Variants in RBFOX1 observed in about 807,000 individuals in gnomAD.
The protein encoded by RBFOX1 is RNA binding fox-1 homolog 1.
In RBFOX1, 8 loss-of-function variants were observed where a neutral mutation model predicts 57.7. That is an observed-to-expected ratio of 0.14 (90% confidence interval 0.08 to 0.25). RBFOX1 has a LOEUF of 0.25. RBFOX1 is among the 10% of genes least tolerant of loss of function. The probability of loss-of-function intolerance (pLI) is 1.00; values close to 1 mark genes in which losing one functional copy is unlikely to be tolerated. For synonymous variants in RBFOX1, 326 were observed against 222.4 expected, an observed-to-expected ratio of 1.47 and a Z score of -4.15; for missense variants, 611 against 548.5, an observed-to-expected ratio of 1.11 and a Z score of -1.14.
chr16:6,420,351 T>C (rs1035250777), intron 2 of RBFOX1, among the ~76,000 whole-genome samples: 2 of 151,986 alleles, frequency 1.3e-5, no homozygotes, highest in Admixed American at 6.6e-5. Flanking sequence ...AGATTTTTTT[T>C]CCCTACCTCT....
intron 1 of RBFOX1, among the ~76,000 whole-genome samples, chr16:5,330,375 G>A (rs1340871875): frequency 2.0e-5 from 3 of 152,062 alleles, no homozygotes; most frequent in Admixed American, 2.0e-4. Context: ...TGCTTTTTAA[G>A]ATGACTTTAA....
intron 1 of RBFOX1, among the ~76,000 whole-genome samples, chr16:5,395,361 G>T (rs1278720526): frequency 2.0e-5 from 3 of 152,198 alleles, no homozygotes; most frequent in African/African-American, 7.2e-5. Flanking sequence ...TTTTGCCTCT[G>T]TTGTAGGTGA....
chr16:6,068,854 A>G (rs1207785305), intron 1 of RBFOX1, among the ~76,000 whole-genome samples: 1 of 151,810 alleles, frequency 6.6e-6, no homozygotes, highest in African/African-American at 2.4e-5. Context: ...ACAGGAATAA[A>G]CTCCCTTGTC....
intron 4 of RBFOX1, among the ~76,000 whole-genome samples, chr16:7,316,873 G>A (rs1430563040): frequency 1.3e-5 from 2 of 151,626 alleles, no homozygotes; most frequent in African/African-American, 2.4e-5. Flanking sequence ...TGAGAGAGGG[G>A]TAAAGAGACA....
intron 4 of RBFOX1, among the ~76,000 whole-genome samples, chr16:5,914,557 C>G (rs1484318393): frequency 1.3e-5 from 2 of 152,054 alleles, no homozygotes; most frequent in African/African-American, 2.4e-5. Context: ...CTTGAGTGCC[C>G]TTACAACATG....
At chr16:7,698,869 C>A (rs1598391872) in intron 14 of RBFOX1, among the ~76,000 whole-genome samples, 1 of 152,104 alleles carries the variant, frequency 6.6e-6, no homozygotes, top group African/African-American at 2.4e-5. Context: ...AATAACAATA[C>A]CCTATAAAGT....
intron 4 of RBFOX1, among the ~76,000 whole-genome samples, chr16:5,972,366 C>T (rs944784390): frequency 3.3e-5 from 5 of 152,178 alleles, no homozygotes; most frequent in Non-Finnish European, 7.3e-5. Flanking sequence ...TGTCACTGAC[C>T]ATCAATAGTG....
chr16:6,512,681 C>T (rs931041216), intron 2 of RBFOX1, among the ~76,000 whole-genome samples: 1 of 152,186 alleles, frequency 6.6e-6, no homozygotes, highest in Non-Finnish European at 1.5e-5. Context: ...TCAGTCCCCA[C>T]ATGCTATGAG....
At chr16:7,332,926 G>A in intron 4 of RBFOX1, 1 of 1,604,218 alleles carries the variant, frequency 6.2e-7, no homozygotes. Flanking sequence ...TTCGGAAGAA[G>A]TTGGGTCTAT....
chr16:6,481,226 C>T (rs2095366755), intron 2 of RBFOX1, among the ~76,000 whole-genome samples: 1 of 152,180 alleles, frequency 6.6e-6, no homozygotes, highest in South Asian at 2.1e-4. Context: ...AAGAAAACAA[C>T]CTTCTCTCTG....
chr16:6,584,616 G>T (rs950995463), intron 2 of RBFOX1, among the ~76,000 whole-genome samples: 3 of 151,882 alleles, frequency 2.0e-5, no homozygotes, highest in African/African-American at 7.3e-5. Flanking sequence ...TGATCCACCT[G>T]CCTTGGCCTC....
rs142732524 is a variant in RBFOX1 at position 7,084,644 on chromosome 16, T to C, written c.27+32546T>C. ...GGTGATACATTTCTTCAAATTGAGC[T>C]TCAAAGACCAGAGGCTGATTGGTCT... On this transcript the variant is annotated intron_variant, in intron 4 of 15. Coordinates refer to ENST00000550418, the MANE Select transcript of RBFOX1 (RefSeq NM_018723.4). Among the ~76,000 whole-genome samples the C allele has an allele frequency of 4.6e-5, 7 of 152,294 alleles. No individual in the cohort carries two copies. In the East Asian group the frequency reaches 1.4e-3, roughly 29 times the overall value.
chr16:6,956,827 G>A (rs971580305), intron 3 of RBFOX1, among the ~76,000 whole-genome samples: 1 of 152,170 alleles, frequency 6.6e-6, no homozygotes, highest in African/African-American at 2.4e-5. Context: ...TGGGGCTGGA[G>A]CTATCCAAGG....
chr16:6,227,530 G>C (rs9925195), intron 1 of RBFOX1, among the ~76,000 whole-genome samples: 152,183 of 152,188 alleles, frequency 1, 76,089 homozygotes, highest in Non-Finnish European at 1. Context: ...GTGGAAGTCT[G>C]CAGGGTAGGG....
intron 2 of RBFOX1, among the ~76,000 whole-genome samples, chr16:6,429,604 C>T (rs1364455421): frequency 2.0e-5 from 3 of 152,060 alleles, no homozygotes; most frequent in Non-Finnish European, 4.4e-5. Flanking sequence ...TGTAATAATC[C>T]CCATGTGTCA....
At chr16:6,433,746 G>A (rs1423379017) in intron 2 of RBFOX1, among the ~76,000 whole-genome samples, 2 of 151,778 alleles carry the variant, frequency 1.3e-5, no homozygotes, top group Non-Finnish European at 2.9e-5. Context: ...CACTTTCCTT[G>A]GCTCATGGTC....
chr16:6,878,235 C>G (rs116132010), intron 3 of RBFOX1, among the ~76,000 whole-genome samples: 1 of 152,122 alleles, frequency 6.6e-6, no homozygotes, highest in Non-Finnish European at 1.5e-5. Flanking sequence ...CCGTTTCTTC[C>G]CTGCTGAGCA....
chr16:5,592,634 A>G (rs944287066), intron 2 of RBFOX1, among the ~76,000 whole-genome samples: 1 of 152,048 alleles, frequency 6.6e-6, no homozygotes, highest in Non-Finnish European at 1.5e-5. Flanking sequence ...TAGGCTATAA[A>G]AATCTATTTT....
At chr16:6,293,989 C>G (rs1034499040) in intron 1 of RBFOX1, among the ~76,000 whole-genome samples, 3 of 152,060 alleles carry the variant, frequency 2.0e-5, no homozygotes, top group African/African-American at 7.2e-5. Flanking sequence ...GTAATGTTTG[C>G]CTTATCCTCT....
Sources: gnomAD v4.1 joint callset for allele counts (sites outside exome capture counted in the v4.1 genomes callset) on GRCh38, gnomAD v4.1.1 for gene constraint, MANE v1.5 for transcripts, NCBI Gene and HGNC (gene_info 2026-07-23, HGNC 2026-07-21) for gene names.